DSP: variants seen among roughly 807,000 people sequenced by gnomAD.
DSP encodes the protein desmoplakin.
In DSP, 114 loss-of-function variants were observed where a neutral mutation model predicts 290.6. That is an observed-to-expected ratio of 0.39 (90% confidence interval 0.34 to 0.46). DSP has a LOEUF of 0.46. DSP is among the 20% of genes least tolerant of loss of function. The probability of loss-of-function intolerance (pLI) is 0.99; values close to 1 mark genes in which losing one functional copy is unlikely to be tolerated. For synonymous variants in DSP, 1,311 were observed against 1,316.4 expected (o/e 1.00, Z 0.09); for missense variants, 3,230 against 3,495.8 (o/e 0.92, Z 1.92).
chr6:7,577,648 T>C (rs1759281105), intron 20 of DSP, 131 bp from the exon 21 acceptor site: 2 of 807,832 alleles, frequency 2.5e-6, no homozygotes, highest in African/African-American at 3.4e-5. Context: ...GCTTGGCCAC[T>C]AGTGGCGCAA....
chr6:7,566,308 A>C, intron 7 of DSP, 69 bp from the exon 8 acceptor site: 1 of 1,272,884 alleles, frequency 7.9e-7, no homozygotes, highest in Non-Finnish European at 1.1e-6. Context: ...ACTTTTAAAA[A>C]GTACTGTGGG....
rs1019382615 is a variant in DSP, at chr6:7,582,661, A to G, written c.5399A>G (p.Glu1800Gly). Residue 1800 changes from glutamate to glycine, a missense_variant, in exon 24 of 24, where the codon GAA becomes GGA. By Grantham distance (98) the Glu-to-Gly change is moderately conservative (BLOSUM62 -2). This residue lies in a region of DSP where 1,714 missense variants were observed against 1,844.5 expected (regional missense o/e 0.93). Transcript: ENST00000379802. The surrounding 1 kb of genome is among the most constrained non-coding windows in gnomAD (Gnocchi z 4.2). ...TTCCAGGCATCTAATAGGATTCAGG[A>G]ATCAAAGAATCAGTGTACTCAGGTG... is the stretch of plus-strand genomic sequence containing the variant. ...QALEASNRIQ[E>G]SKNQCTQVVQ... 7 of 1,613,678 alleles carry G rather than the reference A, an allele frequency of 4.3e-6. No individual in the cohort carries two copies. The highest frequency in any genetic ancestry group is 5.9e-6 in the Non-Finnish European group (7 of 1,179,912).
intron 4 of DSP, among the ~76,000 whole-genome samples, chr6:7,560,396 T>G (rs900839733): frequency 2.6e-5 from 4 of 152,238 alleles, no homozygotes; most frequent in Non-Finnish European, 4.4e-5. Flanking sequence ...GAATATAAGC[T>G]ATTACAGAAG....
chr6:7,558,032 TG>T, intron 2 of DSP, 83 bp from the exon 3 acceptor site: 1 of 1,517,002 alleles, frequency 6.6e-7, no homozygotes, highest in Non-Finnish European at 9.2e-7. Flanking sequence ...ATGTTTACAG[TG>T]GAAGCTCTTG....
chr6:7,568,847 A>G (rs1181129463), intron 11 of DSP, among the ~76,000 whole-genome samples: 1 of 152,176 alleles, frequency 6.6e-6, no homozygotes, highest in African/African-American at 2.4e-5. Context: ...AGTATGTCAA[A>G]GTTGTCTGTG....
chr6:7,561,857 T>G (rs2113663749), intron 4 of DSP, among the ~76,000 whole-genome samples: 1 of 152,338 alleles, frequency 6.6e-6, no homozygotes. Context: ...ACAGGTGATT[T>G]GGAAATTTAC....
intron 23 of DSP, 101 bp downstream of exon 23, chr6:7,581,670 T>C: frequency 1.3e-6 from 2 of 1,505,776 alleles, no homozygotes; most frequent in Non-Finnish European, 1.8e-6. Context: ...TAGATGCTTA[T>C]AGAAAATCTA....
In DSP at chr6:7,579,571, T is replaced by C; in HGVS notation, c.3381T>C (p.Ser1127=). The C allele has an allele frequency of 6.2e-7, 1 of 1,613,860 alleles. No homozygotes were observed. The highest frequency in any genetic ancestry group is 8.5e-7 in the Non-Finnish European group (1 of 1,180,020). ...AAGATGAAAAGAGAAGAAGAAAATC[T>C]GTGGAAGACAGATTTGACCAACAGA... ...EIEDEKRRRK[S]VEDRFDQQKN... The change falls in exon 23 of 24, where the codon TCT becomes TCC. Residue 1127 remains serine (S), a synonymous_variant. Transcript: ENST00000379802. The surrounding 1 kb of genome is among the most constrained non-coding windows in gnomAD (Gnocchi z 4.1).
chr6:7,559,654 A>C (rs1243513348), intron 4 of DSP, among the ~76,000 whole-genome samples: 8 of 152,210 alleles, frequency 5.3e-5, no homozygotes. Context: ...CATATTTAAC[A>C]TGTGTAATTT....
chr6:7,550,226 T>G (rs1171351538), intron 1 of DSP, among the ~76,000 whole-genome samples: 2 of 151,666 alleles, frequency 1.3e-5, no homozygotes, highest in Non-Finnish European at 2.9e-5. Flanking sequence ...TTGTTTTTGT[T>G]TTTTTTTCTG....
At chr6:7,562,920 C>G in intron 5 of DSP, 140 bp downstream of exon 5, 2 of 1,276,468 alleles carry the variant, frequency 1.6e-6, no homozygotes, top group Non-Finnish European at 2.2e-6. Flanking sequence ...AATCCCACTT[C>G]TTAAATGGGG....
chr6:7,563,830 C>T (rs768577244), intron 6 of DSP, 44 bp downstream of exon 6: 1 of 1,566,216 alleles, frequency 6.4e-7, no homozygotes, highest in Non-Finnish European at 8.8e-7. Flanking sequence ...TCTGTTGTTT[C>T]CAATTCAATT....
chr6:7,571,802 G>A, intron 14 of DSP, 40 bp from the exon 15 acceptor site: 1 of 1,596,202 alleles, frequency 6.3e-7, no homozygotes, highest in Non-Finnish European at 8.6e-7. Context: ...TTGATACCTA[G>A]GTATTCTCTG....
At chr6:7,567,192 T>G (rs529942992) in intron 8 of DSP, among the ~76,000 whole-genome samples, 162 bp from the exon 9 acceptor site, 50 of 152,328 alleles carry the variant, frequency 3.3e-4, no homozygotes, top group African/African-American at 1.2e-3. Context: ...CCAAGAGATA[T>G]ATGGTGAGAA....
chr6:7,574,836 C>A (rs778456605), intron 17 of DSP, 41 bp downstream of exon 17: 6 of 1,613,864 alleles, frequency 3.7e-6, no homozygotes, highest in Non-Finnish European at 4.2e-6. Flanking sequence ...CTTACAGGAA[C>A]TAATTCAGAT....
chr6:7,583,884 A>G lies in DSP; in HGVS notation c.6622A>G (p.Met2208Val). ...CTTGCTTTCAGTACAGAAGAGAAGC[A>G]TGTCCTTCCAAGGAATCAGACAACC... is the stretch of plus-strand genomic sequence containing the variant. ...LLLLSVQKRS[M>V]SFQGIRQPVT... The change falls in exon 24 of 24, where the codon ATG (methionine) becomes GTG (valine). Residue 2208 changes from methionine (M) to valine (V), a missense_variant. By Grantham distance (21) the Met-to-Val change is conservative. Coordinates refer to ENST00000379802, the MANE Select transcript of DSP (RefSeq NM_004415.4). This position sits in a 1 kb window ranked among gnomAD's most constrained non-coding sequence, Gnocchi z 4.0. 1 of 1,614,186 alleles carries G rather than the reference A, an allele frequency of 6.2e-7. No homozygotes were observed. The highest frequency in any genetic ancestry group is 8.5e-7 in the Non-Finnish European group (1 of 1,180,028).
Position 7,542,730 on chromosome 6 carries a change from C to T in DSP, c.170+645C>T, listed in dbSNP as rs1416684529. On this transcript the variant is annotated intron_variant, in intron 1 of 23. Transcript: ENST00000379802. ...GAAACTTCCCCGCCGGGGCGGCTGC[C>T]GGGCCCGGGTCTCGAAGTTCGGCCG... Among the ~76,000 whole-genome samples the T allele has an allele frequency of 1.3e-5, 2 of 152,212 alleles. 1 individual carries two copies. The highest frequency in any genetic ancestry group is 4.1e-4 in the South Asian group (2 of 4,834).
At chr6:7,576,843 C>A in intron 19 of DSP, 116 bp from the exon 20 acceptor site, 1 of 905,930 alleles carries the variant, frequency 1.1e-6, no homozygotes, top group Non-Finnish European at 1.7e-6. Context: ...GAGACAAGTA[C>A]ATGTAGTAAT....
chr6:7,580,094 C>T lies in DSP; in HGVS notation c.3904C>T (p.Arg1302Cys), dbSNP rs775594375. The change falls in exon 23 of 24, where the codon CGC (arginine) becomes TGC (cysteine). Residue 1302 changes from arginine (R) to cysteine (C), a missense_variant. By Grantham distance (180) the Arg-to-Cys change is radical. Transcript: ENST00000379802. The surrounding 1 kb of genome is among the most constrained non-coding windows in gnomAD (Gnocchi z 4.2). ...AGAACTGAAGCAGGTCATGCAGCAG[C>T]GCTCTGAGGACAATGCCCGGCACAA... ...EIELKQVMQQRSEDNARHKQS... is the reference protein window; with the variant it reads ...EIELKQVMQQCSEDNARHKQS... 23 of 1,613,920 alleles carry T rather than the reference C, an allele frequency of 1.4e-5. No individual in the cohort carries two copies. The highest frequency in any genetic ancestry group is 1.1e-4 in the African/African-American group (8 of 74,870).
Sources: allele counts gnomAD v4.1 joint callset (sites outside exome capture counted in the v4.1 genomes callset), GRCh38; gene constraint gnomAD v4.1.1; regional missense constraint gnomAD v4.1.1; non-coding constraint Gnocchi (gnomAD v3.1); transcripts MANE v1.5; gene names NCBI Gene and HGNC (gene_info 2026-07-23, HGNC 2026-07-21).